The following LINC00237 variants were observed in gnomAD, a reference collection of about 807,000 sequenced individuals.
LINC00237 encodes the protein long intergenic non-protein coding RNA 237.
intron 1 of LINC00237, among the ~76,000 whole-genome samples, chr20:21,102,675 G>A (rs1486339946): frequency 7.0e-6 from 1 of 143,734 alleles, no homozygotes; most frequent in Non-Finnish European, 1.5e-5. Flanking sequence ...GAGAACCAAG[G>A]AGTTAATTCC....
intron 1 of LINC00237, among the ~76,000 whole-genome samples, chr20:21,097,001 C>A (rs543740217): frequency 1.3e-5 from 2 of 152,156 alleles, no homozygotes; most frequent in East Asian, 3.9e-4. Context: ...GGGAAGGGCA[C>A]CCCTATGTGA....
At chr20:21,086,286 C>T (rs746860862) in intron 3 of LINC00237, among the ~76,000 whole-genome samples, 7 of 151,854 alleles carry the variant, frequency 4.6e-5, no homozygotes, top group Non-Finnish European at 7.4e-5. Flanking sequence ...TAGAGAACTG[C>T]CTCTCAACAA....
chr20:21,086,958 T>C (rs1170901633), intron 3 of LINC00237, among the ~76,000 whole-genome samples: 3 of 141,746 alleles, frequency 2.1e-5, no homozygotes, highest in East Asian at 2.1e-4. Context: ...ATATGTACTA[T>C]AGTATATATA....
At position 21,101,207 on chromosome 20, in the gene LINC00237, G is replaced by A. The variant is rs894817599; in HGVS notation, n.88+5064C>T. Among the ~76,000 whole-genome samples the A allele has an allele frequency of 4.6e-5, 7 of 152,220 alleles. No individual in the cohort carries two copies. Among genetic ancestry groups the A allele is most frequent in the African/African-American group, 1.2e-4 (5 of 41,448 alleles). ...GAACACGGTTACAGCCCCTCGGCCG[G>A]GAATCCGACAGGGGAACAAAACGCG... On this transcript the variant is annotated intron_variant and non_coding_transcript_variant, in intron 1 of 3. Coordinates refer to ENST00000691244, the Ensembl canonical transcript of LINC00237. This position sits in a 1 kb window ranked among gnomAD's most constrained non-coding sequence, Gnocchi z 4.3.
chr20:21,098,541 G>C (rs555484821), intron 1 of LINC00237, among the ~76,000 whole-genome samples: 15 of 152,330 alleles, frequency 9.8e-5, no homozygotes, highest in African/African-American at 3.6e-4. Context: ...TAAACCTGTA[G>C]TCTGAAGGGC....
intron 3 of LINC00237, among the ~76,000 whole-genome samples, chr20:21,085,891 A>C (rs1050812736): frequency 2.0e-5 from 3 of 152,236 alleles, no homozygotes; most frequent in Admixed American, 1.3e-4. Flanking sequence ...ACAAGATCCT[A>C]GGTCAGAGAC....
chr20:21,087,674 C>A (rs1356484870), intron 3 of LINC00237: 1 of 152,190 alleles, frequency 6.6e-6, no homozygotes, highest in Non-Finnish European at 1.5e-5. Context: ...TTCCCCCAGT[C>A]TCTAGTAAAG....
At chr20:21,104,633 C>G (rs74590305) in intron 1 of LINC00237, among the ~76,000 whole-genome samples, 1 of 152,174 alleles carries the variant, frequency 6.6e-6, no homozygotes, top group Non-Finnish European at 1.5e-5. Flanking sequence ...CCTCCAACCC[C>G]TGACTTACTG....
chr20:21,085,714 T>C (rs2122162266), exon 4 of LINC00237, among the ~76,000 whole-genome samples: 1 of 152,320 alleles, frequency 6.6e-6, no homozygotes, highest in Non-Finnish European at 1.5e-5. Context: ...GCTGCTGATG[T>C]TTTTTTCTTC....
At chr20:21,087,243 G>A (rs1233030267) in intron 3 of LINC00237, among the ~76,000 whole-genome samples, 3 of 151,830 alleles carry the variant, frequency 2.0e-5, no homozygotes, top group African/African-American at 7.3e-5. Context: ...CGCTTAACAG[G>A]ATCTTGGCAT....
chr20:21,092,482 C>T (rs2030805524), intron 2 of LINC00237, among the ~76,000 whole-genome samples: 1 of 152,122 alleles, frequency 6.6e-6, no homozygotes, highest in Non-Finnish European at 1.5e-5. Context: ...GTTGAATGCC[C>T]TAGGTAGAAG....
chr20:21,090,964 G>C (rs1373488770), intron 2 of LINC00237, among the ~76,000 whole-genome samples: 1 of 151,918 alleles, frequency 6.6e-6, no homozygotes, highest in Non-Finnish European at 1.5e-5. Context: ...GTCTTCTCCT[G>C]GCATCAACAC....
intron 3 of LINC00237, among the ~76,000 whole-genome samples, chr20:21,086,488 T>C (rs1308225872): frequency 6.7e-6 from 1 of 148,686 alleles, no homozygotes; most frequent in African/African-American, 2.5e-5. Flanking sequence ...GATATGTATC[T>C]ATATATATAG....
At chr20:21,086,330 T>G (rs1181442301) in intron 3 of LINC00237, among the ~76,000 whole-genome samples, 1 of 151,866 alleles carries the variant, frequency 6.6e-6, no homozygotes, top group Non-Finnish European at 1.5e-5. Context: ...ACAAAGTCAT[T>G]TAGGTAAATC....
intron 1 of LINC00237, among the ~76,000 whole-genome samples, chr20:21,095,883 A>G (rs2030851984): frequency 6.6e-6 from 1 of 152,248 alleles, no homozygotes; most frequent in Non-Finnish European, 1.5e-5. Context: ...ATGCCAGCAG[A>G]GTAGCCCTCA....
At chr20:21,092,225 T>C (rs1357876537) in intron 2 of LINC00237, among the ~76,000 whole-genome samples, 2 of 152,190 alleles carry the variant, frequency 1.3e-5, no homozygotes, top group Non-Finnish European at 2.9e-5. Context: ...AGGATTACTC[T>C]TGGTTTATTT....
chr20:21,096,702 G>A (rs992915794), intron 1 of LINC00237, among the ~76,000 whole-genome samples: 3 of 152,158 alleles, frequency 2.0e-5, no homozygotes, highest in Admixed American at 2.0e-4. Flanking sequence ...CAAATGTCAT[G>A]CTGAAGAGTC....
chr20:21,085,932 G>C (rs1202458721), intron 3 of LINC00237, among the ~76,000 whole-genome samples: 1 of 152,184 alleles, frequency 6.6e-6, no homozygotes, highest in Non-Finnish European at 1.5e-5. Context: ...GGAATCATAA[G>C]CTTCTGTTTG....
At chr20:21,095,133 G>C (rs1379686756) in intron 1 of LINC00237, among the ~76,000 whole-genome samples, 1 of 152,164 alleles carries the variant, frequency 6.6e-6, no homozygotes, top group Non-Finnish European at 1.5e-5. Context: ...GGCTTGCTTT[G>C]ACCAGTAGAA....
Sources: gnomAD v4.1 joint callset for allele counts (sites outside exome capture counted in the v4.1 genomes callset) on GRCh38, gnomAD v4.1.1 for gene constraint, Gnocchi (gnomAD v3.1) non-coding constraint, MANE v1.5 for transcripts, NCBI Gene and HGNC (gene_info 2026-07-23, HGNC 2026-07-21) for gene names.